Variants in PHACTR2 observed in about 807,000 individuals in gnomAD.
PHACTR2 encodes the protein phosphatase and actin regulator 2.
Under a neutral mutation model 76.0 loss-of-function variants are expected in PHACTR2, and 30 were observed. That is an observed-to-expected ratio of 0.39 (90% CI 0.30 to 0.54). PHACTR2 has a LOEUF of 0.54. Among genes scored for constraint, PHACTR2 ranks in the 20% least tolerant of loss-of-function variants. The probability of loss-of-function intolerance (pLI) is 0.61; values close to 1 mark genes in which losing one functional copy is unlikely to be tolerated. For missense variants in PHACTR2, 696 were observed against 781.1 expected (o/e 0.89, Z 1.30); for synonymous variants, 292 against 292.5 (o/e 1.00, Z 0.02).
At chr6:143,799,071 T>G (rs1775894457) in intron 11 of PHACTR2, among the ~76,000 whole-genome samples, 1 of 152,102 alleles carries the variant, frequency 6.6e-6, no homozygotes, top group Non-Finnish European at 1.5e-5. Context: ...AGAGCTTATT[T>G]TGGTCTATTC....
At chr6:143,620,438 T>C (rs1258567629) in intron 1 of PHACTR2, among the ~76,000 whole-genome samples, 3 of 142,164 alleles carry the variant, frequency 2.1e-5, no homozygotes, top group Admixed American at 1.4e-4. Flanking sequence ...GAAGTTTTTT[T>C]TTTTTGGAAA....
chr6:143,620,428 G>T (rs552782416), intron 1 of PHACTR2, among the ~76,000 whole-genome samples: 12 of 144,548 alleles, frequency 8.3e-5, no homozygotes, highest in Non-Finnish European at 1.3e-4. Context: ...AGTAAGAAAT[G>T]AAGTTTTTTT....
At position 143,775,449 on chromosome 6, in the gene PHACTR2, C is replaced by A. The variant is rs1189741402; in HGVS notation, c.1589+1234C>A. On this transcript the variant is annotated intron_variant, in intron 8 of 12. Transcript: ENST00000440869. This position sits in a 1 kb window ranked among gnomAD's most constrained non-coding sequence, Gnocchi z 4.4. ...GATTAATGGTATCGAGCTGGAAAAA[C>A]CTACAGTTCTAAACTTGCCATCTTA... Among the ~76,000 whole-genome samples, 3 of 152,150 alleles carry A rather than the reference C, an allele frequency of 2.0e-5. No homozygotes were observed. The highest frequency in any genetic ancestry group is 7.2e-5 in the African/African-American group (3 of 41,430).
intron 1 of PHACTR2, among the ~76,000 whole-genome samples, chr6:143,693,987 C>T (rs1035686678): frequency 2.6e-5 from 4 of 151,910 alleles, no homozygotes; most frequent in African/African-American, 4.8e-5. Context: ...GAGGATCACC[C>T]GAACCCAGGA....
chr6:143,718,280 A>C (rs765176364), intron 2 of PHACTR2, among the ~76,000 whole-genome samples: 3 of 152,178 alleles, frequency 2.0e-5, no homozygotes, highest in Admixed American at 6.5e-5. Flanking sequence ...TAACTCACTA[A>C]ATCATCAGTA....
chr6:143,749,730 A>G (rs1176263662), intron 3 of PHACTR2, among the ~76,000 whole-genome samples: 1 of 152,194 alleles, frequency 6.6e-6, no homozygotes, highest in Non-Finnish European at 1.5e-5. Context: ...TTCAGAAAAG[A>G]CAAGGATCAG....
chr6:143,555,759 G>A (rs907773667), intron 1 of PHACTR2, among the ~76,000 whole-genome samples: 2 of 151,774 alleles, frequency 1.3e-5, no homozygotes, highest in Non-Finnish European at 2.9e-5. Flanking sequence ...CTACCTCATC[G>A]TGTGAATTGT....
At position 143,787,574 on chromosome 6, in the gene PHACTR2, G is replaced by A. The variant is rs537857512; in HGVS notation, c.1708-1199G>A. On this transcript the variant is annotated intron_variant, in intron 10 of 12. Coordinates refer to ENST00000440869, the MANE Select transcript of PHACTR2 (RefSeq NM_001100164.2). The surrounding 1 kb of genome is among the most constrained non-coding windows in gnomAD (Gnocchi z 4.6). The stretch of plus-strand genomic sequence containing the variant: ...AGTTCAGAAGGAAACTGAGGCCCAG[G>A]AAAGGGCTGTTAATGACTACAGAAT... Among the ~76,000 whole-genome samples the A allele has an allele frequency of 6.6e-6, 1 of 152,308 alleles. No individual in the cohort carries two copies. Among genetic ancestry groups the A allele is most frequent in the Admixed American group, 6.5e-5 (1 of 15,302 alleles).
rs1232877030 is a variant in PHACTR2 at position 143,647,347 on chromosome 6, T to A, written c.13+39025T>A. ...ATTCAAAATCAAAACAACCTGACCC[T>A]GAAACCCTCCTGTTAACCAGTGACC... On this transcript the variant is annotated intron_variant, in intron 1 of 11. Transcript: ENST00000305766. The surrounding 1 kb of genome is among the most constrained non-coding windows in gnomAD (Gnocchi z 4.2). 6.6e-6 allele frequency among the ~76,000 whole-genome samples: 1 copy of A among 152,218 alleles called. No individual in the cohort carries two copies. Among genetic ancestry groups the A allele is most frequent in the South Asian group, 2.1e-4 (1 of 4,832 alleles).
chr6:143,622,707 A>G (rs1776177254), intron 1 of PHACTR2, among the ~76,000 whole-genome samples: 2 of 152,230 alleles, frequency 1.3e-5, no homozygotes, highest in African/African-American at 4.8e-5. Context: ...TTATCAACCC[A>G]GAAAAGTCCT....
chr6:143,796,225 T>C (rs1775817121), intron 11 of PHACTR2, among the ~76,000 whole-genome samples: 1 of 152,138 alleles, frequency 6.6e-6, no homozygotes, highest in Admixed American at 6.5e-5. Flanking sequence ...CCCTGTGGCA[T>C]TGAACTTGAT....
chr6:143,797,716 G>A (rs1052252459), intron 11 of PHACTR2, among the ~76,000 whole-genome samples: 6 of 152,154 alleles, frequency 3.9e-5, no homozygotes, highest in African/African-American at 7.2e-5. Flanking sequence ...AGATCAGGTG[G>A]TGGATGTGTG....
At chr6:143,740,508 T>TAAAAAAA (rs10638908) in intron 2 of PHACTR2, among the ~76,000 whole-genome samples, 28,698 of 126,168 alleles carry the variant, frequency 0.23, 3,654 homozygotes, top group Non-Finnish European at 0.28. Context: ...TCCTTTTAAT[T>TAAAAAAA]AAAAAAAAAA....
Position 143,618,165 on chromosome 6 carries a change from A to G in PHACTR2, c.13+9843A>G, listed in dbSNP as rs1445595694. ...AGAGCCACGATTAGACATCGATGCT[A>G]TATTTGCTGTATCCATGTGACTTAC... On this transcript the variant is annotated intron_variant, in intron 1 of 11. Coordinates refer to the PHACTR2 transcript ENST00000305766. The surrounding 1 kb of genome is among the most constrained non-coding windows in gnomAD (Gnocchi z 5.2). Among the ~76,000 whole-genome samples, 1 of 152,024 alleles carries G rather than the reference A, an allele frequency of 6.6e-6. No individual in the cohort carries two copies. The highest frequency in any genetic ancestry group is 1.5e-5 in the Non-Finnish European group (1 of 68,024).
At chr6:143,714,133 C>G (rs903587884) in intron 2 of PHACTR2, among the ~76,000 whole-genome samples, 5 of 152,166 alleles carry the variant, frequency 3.3e-5, no homozygotes, top group Non-Finnish European at 5.9e-5. Context: ...AAAATTATCT[C>G]AAGCAGTGGA....
chr6:143,538,909 C>G (rs375655016), intron 1 of PHACTR2, among the ~76,000 whole-genome samples: 1 of 151,954 alleles, frequency 6.6e-6, no homozygotes, highest in African/African-American at 2.4e-5. Flanking sequence ...GCATTGAGTC[C>G]GAATGTTTTT....
rs1467515632 is a variant in PHACTR2, at chr6:143,648,961, T to C, written c.13+40639T>C. Among the ~76,000 whole-genome samples, 4 of 151,420 alleles carry C rather than the reference T, an allele frequency of 2.6e-5. No homozygotes were observed. The highest frequency in any genetic ancestry group is 5.9e-5 in the Non-Finnish European group (4 of 67,882). On this transcript the variant is annotated intron_variant, in intron 1 of 11. Transcript: ENST00000305766. The surrounding 1 kb of genome is among the most constrained non-coding windows in gnomAD (Gnocchi z 6.7). Reference sequence around the variant, plus strand: ...CTATGTATGTTTGTGTGTGTCTGTGTGTCTATGTGTATGACTGTTTCTATG... The same window carrying C: ...CTATGTATGTTTGTGTGTGTCTGTGCGTCTATGTGTATGACTGTTTCTATG...
rs1776391326 is a variant in PHACTR2 at position 143,820,402 on chromosome 6, TG to T, written c.1923-3270del. On this transcript the variant is annotated intron_variant, in intron 12 of 12. Coordinates refer to ENST00000440869, the MANE Select transcript of PHACTR2 (RefSeq NM_001100164.2). The surrounding 1 kb of genome is among the most constrained non-coding windows in gnomAD (Gnocchi z 4.2). ...AAACAAGTAAGTTATTTCCAAGATA[TG>T]GTGGAGATCTATACTGGGTAAACAT... is the stretch of plus-strand genomic sequence containing the variant. Among the ~76,000 whole-genome samples, 1 of 152,134 alleles carries T rather than the reference TG, an allele frequency of 6.6e-6. No homozygotes were observed. The highest frequency in any genetic ancestry group is 2.4e-5 in the African/African-American group (1 of 41,422).
At chr6:143,746,009 A>G (rs1779057006) in intron 2 of PHACTR2, among the ~76,000 whole-genome samples, 2 of 152,242 alleles carry the variant, frequency 1.3e-5, no homozygotes, top group South Asian at 4.1e-4. Flanking sequence ...CTCAAAACTA[A>G]AACTAAAGAA....
Sources: gnomAD v4.1 joint callset for allele counts (sites outside exome capture counted in the v4.1 genomes callset) on GRCh38, gnomAD v4.1.1 for gene constraint, Gnocchi (gnomAD v3.1) non-coding constraint, MANE v1.5 for transcripts, NCBI Gene and HGNC (gene_info 2026-07-23, HGNC 2026-07-21) for gene names.